PHLDB2: variants seen among roughly 807,000 people sequenced by gnomAD.
PHLDB2 encodes pleckstrin homology like domain family B member 2, also known as pleckstrin homology-like domain family B member 2.
PHLDB2 carries 71 observed loss-of-function variants against 123.6 expected under a neutral mutation model. The observed-to-expected ratio is 0.57, with a 90% CI of 0.47 to 0.70. PHLDB2 has a LOEUF of 0.70. Ranked by LOEUF, PHLDB2 falls within the 30% of genes least tolerant of loss-of-function variation. PHLDB2 has a pLI of 0.00. For missense variants in PHLDB2, 1,446 were observed against 1,519.5 expected, an observed-to-expected ratio of 0.95 and a Z score of 0.80; for synonymous variants, 547 against 541.6, an observed-to-expected ratio of 1.01 and a Z score of -0.14.
At chr3:111,871,094 A>G (rs1192428542) in intron 1 of PHLDB2, among the ~76,000 whole-genome samples, 1 of 152,192 alleles carries the variant, frequency 6.6e-6, no homozygotes, top group Non-Finnish European at 1.5e-5. Context: ...AACGATTTAC[A>G]GTTTTCTATC....
In PHLDB2 at chr3:111,780,300, AGAGGAAGAGGAAGAG is replaced by A. The variant is rs1559827073; in HGVS notation, c.-49+47600_-49+47614del. ...AAGAAGAAGAAGAAGAAGAAGAGGAAGAGGAAGAGGAAGAGGAAGAGGAAGAAGAAGAAGAAGAAG... is the reference window on the plus strand; with the variant it reads ...AAGAAGAAGAAGAAGAAGAAGAGGAAGAAGAGGAAGAAGAAGAAGAAGAAG... On this transcript the variant is annotated intron_variant, in intron 1 of 17. Transcript: ENST00000393923. Among the ~76,000 whole-genome samples the A allele has an allele frequency of 6.6e-3, 17 of 2,592 alleles. 1 individual carries two copies. The highest frequency in any genetic ancestry group is 0.035 in the Non-Finnish European group (12 of 342). The allele number at this position is 2,592 out of a possible 152,430, so 1.7% of individuals were successfully genotyped here.
intron 1 of PHLDB2, among the ~76,000 whole-genome samples, chr3:111,860,211 T>A (rs2108646522): frequency 6.6e-6 from 1 of 152,302 alleles, no homozygotes; most frequent in East Asian, 1.9e-4. Flanking sequence ...GAAGGTCCGC[T>A]GCTGGATGGT....
chr3:111,760,386 C>T (rs2059971866), intron 1 of PHLDB2, among the ~76,000 whole-genome samples: 3 of 152,126 alleles, frequency 2.0e-5, no homozygotes, highest in Non-Finnish European at 4.4e-5. Context: ...AAAAATTGTC[C>T]TACTCCAAAG....
chr3:111,935,389 T>G (rs948432092), intron 6 of PHLDB2, among the ~76,000 whole-genome samples: 4 of 152,158 alleles, frequency 2.6e-5, no homozygotes, highest in African/African-American at 9.7e-5. Flanking sequence ...TCCATTAGTC[T>G]TGGACAAGTC....
chr3:111,799,445 T>C (rs1030569213), intron 1 of PHLDB2, among the ~76,000 whole-genome samples: 1 of 152,212 alleles, frequency 6.6e-6, no homozygotes, highest in African/African-American at 2.4e-5. Flanking sequence ...TTCACATTGG[T>C]GAGGTAGACA....
chr3:111,921,748 A>T, intron 5 of PHLDB2, among the ~76,000 whole-genome samples: 1 of 151,982 alleles, frequency 6.6e-6, no homozygotes, highest in East Asian at 1.9e-4. Flanking sequence ...GACTACAGGC[A>T]CCCGCCACCA....
intron 2 of PHLDB2, among the ~76,000 whole-genome samples, chr3:111,889,204 A>C (rs997838172): frequency 1.3e-5 from 2 of 152,228 alleles, no homozygotes; most frequent in Non-Finnish European, 2.9e-5. Context: ...AAGTTTTTTT[A>C]AAAAATGAGA....
intron 1 of PHLDB2, among the ~76,000 whole-genome samples, chr3:111,779,425 GTATC>G (rs2060328300): frequency 1.3e-5 from 2 of 151,888 alleles, no homozygotes; most frequent in South Asian, 4.1e-4. Flanking sequence ...GTAGTCCCCA[GTATC>G]TATTGCTCCC....
rs376221394 is a variant in PHLDB2, at chr3:111,798,980, G to A, written c.-48-46841G>A. On this transcript the variant is annotated intron_variant, in intron 1 of 17. Coordinates refer to the PHLDB2 transcript ENST00000393923. The stretch of plus-strand genomic sequence containing the variant: ...TTCAGCATGGCTAGGGAGGCCCTAG[G>A]AAACTTACAATCATGGCAGAAGGGG... 1.3e-4 allele frequency among the ~76,000 whole-genome samples: 20 copies of A among 152,278 alleles called. No individual in the cohort carries two copies. In the South Asian group the frequency reaches 4.1e-3, roughly 32 times the overall value.
chr3:111,878,651 C>T (rs573370079), intron 1 of PHLDB2, among the ~76,000 whole-genome samples: 11 of 152,242 alleles, frequency 7.2e-5, no homozygotes, highest in East Asian at 5.8e-4. Context: ...GGAATGCTTC[C>T]GGTTTTTGTC....
At chr3:111,943,104 AG>A (rs1163333466) in intron 8 of PHLDB2, among the ~76,000 whole-genome samples, 6 of 151,866 alleles carry the variant, frequency 4.0e-5, no homozygotes, top group Non-Finnish European at 5.9e-5. Flanking sequence ...ACTTTGAACG[AG>A]AACAAAGTTG....
chr3:111,783,379 G>C (rs570820535), intron 1 of PHLDB2, among the ~76,000 whole-genome samples: 1 of 152,186 alleles, frequency 6.6e-6, no homozygotes, highest in Non-Finnish European at 1.5e-5. Context: ...TATCTTAGTA[G>C]TGGCACGTTC....
At chr3:111,970,029 A>G in intron 16 of PHLDB2, 120 bp downstream of exon 16, 2 of 847,302 alleles carry the variant, frequency 2.4e-6, no homozygotes, top group Non-Finnish European at 3.8e-6. Flanking sequence ...TAATGGCAAT[A>G]TTAGATTTGT....
intron 13 of PHLDB2, among the ~76,000 whole-genome samples, chr3:111,963,099 T>C (rs1279224219): frequency 6.6e-6 from 1 of 152,190 alleles, no homozygotes; most frequent in Non-Finnish European, 1.5e-5. Flanking sequence ...GTATTTATAC[T>C]TTGAGACAAG....
In PHLDB2 at chr3:111,975,356, A is replaced by C. The variant is rs1175660529; in HGVS notation, c.*793A>C. On this transcript the variant is annotated 3_prime_UTR_variant, in exon 18 of 18. Transcript: ENST00000431670. ...AACAGGCATTCTGTCATGTTGAACA[A>C]TTTTAAATAAAGAGAATATCTGGTG... 6.6e-6 allele frequency: 1 copy of C among 152,218 alleles called. No individual in the cohort carries two copies. Among genetic ancestry groups the C allele is most frequent in the Admixed American group, 6.5e-5 (1 of 15,284 alleles). The allele number at this position is 152,218 out of a possible 1,614,324, so 9.4% of individuals were successfully genotyped here. A position where few individuals can be genotyped will look rare whatever the true frequency, so the allele number is the denominator to read the frequency against.
chr3:111,834,237 A>G lies in PHLDB2; in HGVS notation c.-48-11584A>G, dbSNP rs796103009. Among the ~76,000 whole-genome samples the G allele has an allele frequency of 4.4e-3, 318 of 72,024 alleles. 4 individuals are homozygous for G. The highest frequency in any genetic ancestry group is 0.02 in the East Asian group (38 of 1,900). The allele number at this position is 72,024 out of a possible 152,430, so 47.3% of individuals were successfully genotyped here. ...ATAGAATTATATATATATTATGTATATAATAGAATTATATATATAATTCTA... is the reference window on the plus strand; with the variant it reads ...ATAGAATTATATATATATTATGTATGTAATAGAATTATATATATAATTCTA... On this transcript the variant is annotated intron_variant, in intron 1 of 17. Transcript: ENST00000393923.
intron 2 of PHLDB2, among the ~76,000 whole-genome samples, chr3:111,891,090 TC>T (rs778206028): frequency 6.6e-6 from 1 of 152,146 alleles, no homozygotes; most frequent in Non-Finnish European, 1.5e-5. Context: ...CATTTTAACT[TC>T]CTCACTCTGA....
At chr3:111,808,887 C>T (rs2061712996) in intron 1 of PHLDB2, among the ~76,000 whole-genome samples, 1 of 152,130 alleles carries the variant, frequency 6.6e-6, no homozygotes, top group African/African-American at 2.4e-5. Flanking sequence ...CTTTATATAG[C>T]ATCCATTTAG....
intron 2 of PHLDB2, among the ~76,000 whole-genome samples, chr3:111,912,668 C>T (rs1463223748): frequency 6.6e-6 from 1 of 152,084 alleles, no homozygotes; most frequent in Non-Finnish European, 1.5e-5. Context: ...CTTTGTGTGT[C>T]TAGCACATAG....
Sources: gnomAD v4.1 joint callset for allele counts (sites outside exome capture counted in the v4.1 genomes callset) on GRCh38, gnomAD v4.1.1 for gene constraint, MANE v1.5 for transcripts, NCBI Gene and HGNC (gene_info 2026-07-23, HGNC 2026-07-21) for gene names.